The following CPNE4 variants were observed in gnomAD, a reference collection of about 807,000 sequenced individuals.
The protein encoded by CPNE4 is copine 4.
Under a neutral mutation model 67.9 loss-of-function variants are expected in CPNE4, and 25 were observed. The ratio of observed to expected loss-of-function variants is 0.37; its 90% CI spans 0.27 to 0.51. The LOEUF is 0.51. Among genes scored for constraint, CPNE4 ranks in the 20% least tolerant of loss-of-function variants. The pLI, the probability that CPNE4 is intolerant of heterozygous loss-of-function variation, is 0.93. For missense variants in CPNE4, 464 were observed against 690.8 expected (o/e 0.67, Z 3.68); for synonymous variants, 242 against 244.9 (o/e 0.99, Z 0.11).
chr3:131,609,889 G>A (rs1459547372), intron 7 of CPNE4, among the ~76,000 whole-genome samples: 1 of 152,044 alleles, frequency 6.6e-6, no homozygotes, highest in African/African-American at 2.4e-5. Context: ...TCATCTAGTT[G>A]ATATAAGAGC....
At chr3:131,832,920 C>T (rs576590233) in intron 2 of CPNE4, among the ~76,000 whole-genome samples, 3 of 152,076 alleles carry the variant, frequency 2.0e-5, no homozygotes, top group Admixed American at 6.6e-5. Context: ...TAGACTGTTA[C>T]GCTCAGTCAA....
At chr3:131,703,621 T>A (rs1322994303) in intron 3 of CPNE4, among the ~76,000 whole-genome samples, 1 of 152,208 alleles carries the variant, frequency 6.6e-6, no homozygotes, top group African/African-American at 2.4e-5. Flanking sequence ...TTTCAACAAG[T>A]TTATATTCAG....
In CPNE4 at chr3:131,685,738, G is replaced by A. The variant is rs550878490; in HGVS notation, c.591+137C>T. 11 of 592,756 alleles carry A rather than the reference G, an allele frequency of 1.9e-5. No individual in the cohort carries two copies. In the Middle Eastern group the frequency reaches 7.9e-4, roughly 43 times the overall value. The allele number at this position is 592,756 out of a possible 1,614,324, so 36.7% of individuals were successfully genotyped here. ...GGCGGTTGCAGTGAGACGAGACTGC[G>A]CCACTGCACTCCAGCCTGGGTGACA... On this transcript the variant is annotated intron_variant, in intron 6 of 15. Coordinates refer to ENST00000429747, the MANE Select transcript of CPNE4 (RefSeq NM_130808.3).
chr3:131,617,680 C>T (rs1479932225), intron 7 of CPNE4, among the ~76,000 whole-genome samples: 1 of 152,180 alleles, frequency 6.6e-6, no homozygotes, highest in Non-Finnish European at 1.5e-5. Context: ...TTTGTATCTT[C>T]AGTTTTCTGC....
chr3:131,809,563 T>C (rs550500157), intron 2 of CPNE4, among the ~76,000 whole-genome samples: 55 of 152,102 alleles, frequency 3.6e-4, no homozygotes, highest in African/African-American at 1.3e-3. Context: ...GAGGTCAAAA[T>C]ATGAAGGCTC....
rs573223539 is a variant in CPNE4 at position 131,989,878 on chromosome 3, C to G, written c.-2+44689G>C. Among the ~76,000 whole-genome samples the G allele has an allele frequency of 1.5e-5, 2 of 135,750 alleles. 1 individual carries two copies. Among genetic ancestry groups the G allele is most frequent in the Non-Finnish European group, 3.3e-5 (2 of 59,928 alleles). The allele number at this position is 135,750 out of a possible 152,430, so 89.1% of individuals were successfully genotyped here. On this transcript the variant is annotated intron_variant, in intron 1 of 15. Coordinates refer to ENST00000429747, the MANE Select transcript of CPNE4 (RefSeq NM_130808.3). The stretch of plus-strand genomic sequence containing the variant: ...AGACCAGGGTGAGCAAGCTTATAAC[C>G]AAGCATGAAGGGCCCAGAATTCTGG...
intron 1 of CPNE4, among the ~76,000 whole-genome samples, chr3:132,004,213 C>G (rs1051449439): frequency 2.6e-5 from 4 of 152,054 alleles, no homozygotes; most frequent in African/African-American, 9.7e-5. Context: ...CATTCTATAT[C>G]TATGTCTATA....
intron 1 of CPNE4, among the ~76,000 whole-genome samples, chr3:131,906,339 C>G (rs565371397): frequency 0.021 from 3,254 of 151,422 alleles, 46 homozygotes; most frequent in Non-Finnish European, 0.035. Flanking sequence ...TGCCATGCCG[C>G]TGTGCTGCAC....
intron 1 of CPNE4, among the ~76,000 whole-genome samples, chr3:132,002,208 T>C (rs2073471934): frequency 6.6e-6 from 1 of 152,110 alleles, no homozygotes; most frequent in Admixed American, 6.6e-5. Flanking sequence ...TAGTACACCA[T>C]GGCATTCAGA....
chr3:131,593,732 T>C (rs1384644197), intron 7 of CPNE4, among the ~76,000 whole-genome samples: 3 of 152,142 alleles, frequency 2.0e-5, no homozygotes, highest in South Asian at 4.1e-4. Context: ...GTTTTGTTTT[T>C]GATGGAGTCC....
At chr3:131,707,330 T>C (rs909854944) in intron 3 of CPNE4, among the ~76,000 whole-genome samples, 1 of 151,760 alleles carries the variant, frequency 6.6e-6, no homozygotes, top group Admixed American at 6.6e-5. Context: ...TGCCTCACTC[T>C]ACCTCCTTCT....
At chr3:131,991,779 T>C (rs1581701) in intron 1 of CPNE4, among the ~76,000 whole-genome samples, 121,263 of 132,972 alleles carry the variant, frequency 0.91, 57,954 homozygotes, top group African/African-American at 0.98. Flanking sequence ...AGGGAAAAAT[T>C]GTTTCCTAGG....
At chr3:131,872,207 G>C (rs2087245781) in intron 2 of CPNE4, among the ~76,000 whole-genome samples, 1 of 151,708 alleles carries the variant, frequency 6.6e-6, no homozygotes, top group Non-Finnish European at 1.5e-5. Context: ...GAGAGAGAGA[G>C]AGAAACAGAG....
rs1253476306 is a variant in CPNE4, at chr3:131,905,339, A to C, written c.105T>G (p.Ile35Met). The C allele has an allele frequency of 6.2e-7, 1 of 1,613,558 alleles. No homozygotes were observed. Among genetic ancestry groups the C allele is most frequent in the African/African-American group, 1.3e-5 (1 of 75,002 alleles). The change falls in exon 2 of 16, where the codon ATT becomes ATG. Residue 35 changes from isoleucine (I) to methionine (M), a missense_variant. Coordinates refer to ENST00000429747, the MANE Select transcript of CPNE4 (RefSeq NM_130808.3). ...GTTTGGAAAGGGCATCTCTGTCAGAAATGCCTTTGCACGCCACACGCAGCT... is the reference window on the plus strand; with the variant it reads ...GTTTGGAAAGGGCATCTCTGTCAGACATGCCTTTGCACGCCACACGCAGCT... ...KVELRVACKGISDRDALSKPD... is the reference protein window; with the variant it reads ...KVELRVACKGMSDRDALSKPD...
intron 1 of CPNE4, among the ~76,000 whole-genome samples, chr3:131,965,842 C>T (rs917201329): frequency 4.6e-5 from 7 of 152,166 alleles, no homozygotes; most frequent in Admixed American, 2.0e-4. Flanking sequence ...CAAGGATATT[C>T]GGGATTTGAA....
chr3:131,885,852 C>T (rs1460629974), intron 2 of CPNE4, among the ~76,000 whole-genome samples: 2 of 152,190 alleles, frequency 1.3e-5, no homozygotes, highest in East Asian at 3.8e-4. Flanking sequence ...CATTTCTAAG[C>T]AGCAAAGCAT....
At chr3:132,020,221 A>T (rs2107688148) in intron 1 of CPNE4, among the ~76,000 whole-genome samples, 1 of 152,278 alleles carries the variant, frequency 6.6e-6, no homozygotes, top group Non-Finnish European at 1.5e-5. Flanking sequence ...ATCCTGCCAT[A>T]GAGAGTAAGT....
At chr3:131,690,920 C>T (rs578159247) in intron 5 of CPNE4, among the ~76,000 whole-genome samples, 6 of 152,040 alleles carry the variant, frequency 3.9e-5, no homozygotes, top group South Asian at 2.1e-4. Flanking sequence ...TCTCAAAAGA[C>T]GACCCGCAAG....
chr3:131,786,628 C>A (rs903285757), intron 2 of CPNE4, among the ~76,000 whole-genome samples: 4 of 152,110 alleles, frequency 2.6e-5, no homozygotes, highest in African/African-American at 7.2e-5. Flanking sequence ...TAGGGTAAAG[C>A]AGTATTTAGG....
Sources: allele counts gnomAD v4.1 joint callset (sites outside exome capture counted in the v4.1 genomes callset), GRCh38; gene constraint gnomAD v4.1.1; transcripts MANE v1.5; gene names NCBI Gene and HGNC (gene_info 2026-07-23, HGNC 2026-07-21).